Variants in IFFO1 observed in about 807,000 individuals in gnomAD.
The protein encoded by IFFO1 is non-homologous end joining factor IFFO1.
A neutral mutation model predicts 59.6 loss-of-function variants in IFFO1; 42 were observed. The observed-to-expected ratio is 0.70, with a 90% CI of 0.55 to 0.91. The LOEUF (loss-of-function observed/expected upper bound fraction) is 0.91. IFFO1 is among the 40% of genes least tolerant of loss of function. IFFO1 has a pLI of 0.00. For synonymous variants in IFFO1, 336 were observed against 342.8 expected, an observed-to-expected ratio of 0.98 and a Z score of 0.22; for missense variants, 711 against 793.2, an observed-to-expected ratio of 0.90 and a Z score of 1.24.
chr12:6,547,371 A>G (rs1187941141), intron 8 of IFFO1, among the ~76,000 whole-genome samples: 1 of 151,560 alleles, frequency 6.6e-6, no homozygotes, highest in Non-Finnish European at 1.5e-5. Flanking sequence ...CTGGAGTGAC[A>G]GAGCAAGACC....
chr12:6,555,943 G>C lies in IFFO1; in HGVS notation c.87C>G (p.Gly29=), dbSNP rs765525423. Reference sequence around the variant, plus strand: ...AGTCTCCTCCCCCGGCGAAGTGGTCGCCTCCCAGTGAGTCCCCCAGTGGCC... The same window carrying C: ...AGTCTCCTCCCCCGGCGAAGTGGTCCCCTCCCAGTGAGTCCCCCAGTGGCC... ...LAGPLGDSLG[G]DHFAGGGDLP... The change falls in exon 1 of 10, where the codon GGC becomes GGG. Residue 29 remains glycine (G), a synonymous_variant. Coordinates refer to ENST00000619571, the MANE Select transcript of IFFO1 (RefSeq NM_001193457.2). This position sits in a 1 kb window ranked among gnomAD's most constrained non-coding sequence, Gnocchi z 8.6. 6.4e-7 allele frequency: 1 copy of C among 1,553,174 alleles called. No homozygotes were observed. Among genetic ancestry groups the C allele is most frequent in the Non-Finnish European group, 8.7e-7 (1 of 1,155,584 alleles).
intron 3 of IFFO1, chr12:6,550,153 G>A (rs748781978): frequency 7.6e-5 from 34 of 445,370 alleles, no homozygotes; most frequent in Non-Finnish European, 1.2e-4. Context: ...GCCAGTGCCT[G>A]GGACATGCAG....
In IFFO1 at chr12:6,550,065, C is replaced by T. The variant is rs1592218382; in HGVS notation, c.931-169G>A. 5 of 685,238 alleles carry T rather than the reference C, an allele frequency of 7.3e-6. No homozygotes were observed. In the East Asian group the frequency reaches 1.1e-4, roughly 15 times the overall value. 42.4% of individuals were successfully genotyped at this position (685,238 alleles called of 1,614,324 possible). ...TTCCTGGGTAGCGGTGGCCTCCCCA[C>T]AGCACTGTGTGAATATGCTGGGCAT... is the stretch of plus-strand genomic sequence containing the variant. On this transcript the variant is annotated intron_variant, in intron 3 of 9. Transcript: ENST00000619571.
chr12:6,540,613 C>T (rs762167238), intron 9 of IFFO1, 25 bp from the exon 10 acceptor site: 36 of 1,592,444 alleles, frequency 2.3e-5, no homozygotes, highest in Middle Eastern at 1.7e-4. Context: ...CAGTTGTCAA[C>T]CTTGGGGCAG....
In IFFO1 at chr12:6,540,567, C is replaced by G. The variant is rs543186819; in HGVS notation, c.1632G>C (p.Ala544=). The G allele has an allele frequency of 2.5e-6, 4 of 1,613,786 alleles. No individual in the cohort carries two copies. Among genetic ancestry groups the G allele is most frequent in the South Asian group, 1.1e-5 (1 of 91,088 alleles). ...GCGGCGGCGGGTCGCTAAGCGGGAC[C>G]GCAGTGAAAGCAGGAGACTTTCTAG... The part of the protein sequence containing the change: ...SGDRKSPAFT[A]VPLSDPPPPP... Residue 544 remains alanine, a synonymous_variant, in exon 10 of 10, where the codon GCG becomes GCC. Transcript: ENST00000619571.
intron 1 of IFFO1, chr12:6,551,814 T>G: frequency 3.4e-6 from 1 of 298,338 alleles, no homozygotes; most frequent in South Asian, 3.0e-5. Flanking sequence ...AGATTAAGAC[T>G]GCAAGTGGGC....
At chr12:6,551,039 A>G in intron 1 of IFFO1, 38 bp from the exon 2 acceptor site, 1 of 1,606,804 alleles carries the variant, frequency 6.2e-7, no homozygotes, top group Non-Finnish European at 8.5e-7. Context: ...GCTTAGGTAC[A>G]GAGTCCTTCC....
Position 6,541,989 on chromosome 12 carries a change from C to T in IFFO1, c.1480-347G>A, listed in dbSNP as rs745980931. 2.6e-5 allele frequency among the ~76,000 whole-genome samples: 4 copies of T among 152,168 alleles called. No homozygotes were observed. The highest frequency in any genetic ancestry group is 5.9e-5 in the Non-Finnish European group (4 of 68,018). On this transcript the variant is annotated intron_variant, in intron 8 of 9. Transcript: ENST00000619571. This position sits in a 1 kb window ranked among gnomAD's most constrained non-coding sequence, Gnocchi z 4.8. ...CCACACAGGTTCCTATGGGGCCCGG[C>T]TCACCCCTCATCCCCTGTACTGCGC...
At position 6,540,316 on chromosome 12, in the gene IFFO1, C is replaced by G; in HGVS notation, c.*167G>C. 1.5e-6 allele frequency: 1 copy of G among 648,476 alleles called. No individual in the cohort carries two copies. Among genetic ancestry groups the G allele is most frequent in the East Asian group, 2.7e-5 (1 of 36,686 alleles). The allele number at this position is 648,476 out of a possible 1,614,324, so 40.2% of individuals were successfully genotyped here. ...GCCTAGCTCCAGACACCCCAGAGCC[C>G]TGGAGAAGCCAAGACTGAGGGAGAA... On this transcript the variant is annotated 3_prime_UTR_variant, in exon 10 of 10. Coordinates refer to ENST00000619571, the MANE Select transcript of IFFO1 (RefSeq NM_001193457.2).
chr12:6,550,950 C>G lies in IFFO1; in HGVS notation c.825G>C (p.Glu275Asp). ...VRIQLQDRVNELQEEAQEADA... is the reference protein window; with the variant it reads ...VRIQLQDRVNDLQEEAQEADA... Reference sequence around the variant, plus strand: ...GGGGCGCCACCCTCACCTCCTGGAGCTCATTTACACGGTCTTGCAGCTGGA... The same window carrying G: ...GGGGCGCCACCCTCACCTCCTGGAGGTCATTTACACGGTCTTGCAGCTGGA... The change falls in exon 2 of 10, where the codon GAG (glutamate) becomes GAC (aspartate). Residue 275 changes from glutamate to aspartate, a missense_variant. Around this residue, in one of 3 missense-constraint regions of IFFO1, gnomAD observed 579 missense variants for 650.3 expected, o/e 0.89. Transcript: ENST00000619571. 2 of 1,614,192 alleles carry G rather than the reference C, an allele frequency of 1.2e-6. No individual in the cohort carries two copies. The highest frequency in any genetic ancestry group is 1.7e-6 in the Non-Finnish European group (2 of 1,180,014).
rs746256367 is a variant in IFFO1, at chr12:6,540,537, T to TGGC, written c.1659_1661dup (p.Pro554dup). On this transcript the variant is annotated inframe_insertion, in exon 10 of 10. Transcript: ENST00000619571. ...CGCGATCGGAGTCCTCAGCCTCGCT[T>TGGC]GGCGGCGGCGGCGGGTCGCTAAGCG... The TGGC allele has an allele frequency of 5.7e-5, 92 of 1,613,472 alleles. No homozygotes were observed. The highest frequency in any genetic ancestry group is 3.0e-4 in the Admixed American group (18 of 60,000).
chr12:6,550,784 G>A lies in IFFO1; in HGVS notation c.841C>T (p.Gln281Ter). 1 of 1,614,030 alleles carries A rather than the reference G, an allele frequency of 6.2e-7. No homozygotes were observed. Among genetic ancestry groups the A allele is most frequent in the Non-Finnish European group, 8.5e-7 (1 of 1,179,942 alleles). Residue 281 changes from glutamine to a stop codon, truncating the protein, a stop_gained, in exon 3 of 10, where the codon CAG becomes TAG. Transcript: ENST00000619571. LOFTEE classifies it high-confidence loss of function. Reference protein sequence around the residue: ...DRVNELQEEAQEADACQEELA... With the variant: ...DRVNELQEEA ...TCCTCCTGGCAGGCATCAGCCTCCT[G>A]GGCTTCCTGCAGTTGGGAGAAACCC...
intron 1 of IFFO1, among the ~76,000 whole-genome samples, chr12:6,553,252 G>C (rs1363447002): frequency 6.6e-6 from 1 of 152,206 alleles, no homozygotes; most frequent in Non-Finnish European, 1.5e-5. Flanking sequence ...GTGCTGCAGA[G>C]CGATGAGCTA....
At position 6,548,743 on chromosome 12, in the gene IFFO1, C is replaced by A. The variant is rs144941255; in HGVS notation, c.1187G>T (p.Arg396Leu). The change falls in exon 6 of 10, where the codon CGC becomes CTC. Residue 396 changes from arginine (R) to leucine (L), a missense_variant. By Grantham distance (102) the Arg-to-Leu change is moderately radical. Transcript: ENST00000619571. This position sits in a 1 kb window ranked among gnomAD's most constrained non-coding sequence, Gnocchi z 6.1. ...DTSLSESEGPRQPDGDEEEST... is the reference protein window; with the variant it reads ...DTSLSESEGPLQPDGDEEEST... ...CTCCTCCTCATCCCCATCGGGCTGG[C>A]GGGGCCCCTCACTCTCCGACAGGGA... The A allele has an allele frequency of 1.9e-6, 3 of 1,614,072 alleles. No individual in the cohort carries two copies. The Admixed American group carries it at 5.0e-5, about 27-fold the overall frequency.
At chr12:6,553,649 G>A (rs1947326877) in intron 1 of IFFO1, among the ~76,000 whole-genome samples, 1 of 152,088 alleles carries the variant, frequency 6.6e-6, no homozygotes, top group African/African-American at 2.4e-5. Context: ...GTGCACACCT[G>A]TAGTCCCAGC....
At position 6,540,477 on chromosome 12, in the gene IFFO1, A is replaced by T; in HGVS notation, c.*6T>A. ...AGGGCCTCGGGTGCAAGGGGGAGGC[A>T]GGTCTCTATCTCATGGAGCTGTCAG... On this transcript the variant is annotated 3_prime_UTR_variant, in exon 10 of 10. Coordinates refer to ENST00000619571, the MANE Select transcript of IFFO1 (RefSeq NM_001193457.2). 1.2e-6 allele frequency: 2 copies of T among 1,610,846 alleles called. No homozygotes were observed. Among genetic ancestry groups the T allele is most frequent in the Non-Finnish European group, 1.7e-6 (2 of 1,177,102 alleles).
chr12:6,555,755 T>C lies in IFFO1; in HGVS notation c.275A>G (p.His92Arg). The change falls in exon 1 of 10, where the codon CAT (histidine) becomes CGT (arginine). Residue 92 changes from histidine to arginine, a missense_variant. This residue lies in a region of IFFO1 where 18 missense variants were observed against 40.5 expected (regional missense o/e 0.44). Transcript: ENST00000619571. The surrounding 1 kb of genome is among the most constrained non-coding windows in gnomAD (Gnocchi z 8.6). ...CAGCCGGTTCCGGCGCTCCAGCTCATGCACCTTGGCCAGGAAGCAGCGGAA... is the reference window on the plus strand; with the variant it reads ...CAGCCGGTTCCGGCGCTCCAGCTCACGCACCTTGGCCAGGAAGCAGCGGAA... ...LRFRCFLAKV[H>R]ELERRNRLLE... The C allele has an allele frequency of 1.2e-6, 2 of 1,613,212 alleles. No homozygotes were observed. The highest frequency in any genetic ancestry group is 1.3e-5 in the African/African-American group (1 of 74,948).
chr12:6,548,733 A>G lies in IFFO1; in HGVS notation c.1197T>C (p.Asp399=), dbSNP rs1947087453. Residue 399 remains aspartate (D), a synonymous_variant, in exon 6 of 10, where the codon GAT becomes GAC. Transcript: ENST00000619571. This position sits in a 1 kb window ranked among gnomAD's most constrained non-coding sequence, Gnocchi z 6.1. ...LSESEGPRQP[D]GDEEESTALS... is the part of the protein sequence containing the mutation. Reference sequence around the variant, plus strand: ...GGGCTGTGCTCTCCTCCTCATCCCCATCGGGCTGGCGGGGCCCCTCACTCT... The same window carrying G: ...GGGCTGTGCTCTCCTCCTCATCCCCGTCGGGCTGGCGGGGCCCCTCACTCT... 4 of 1,613,794 alleles carry G rather than the reference A, an allele frequency of 2.5e-6. No homozygotes were observed. Among genetic ancestry groups the G allele is most frequent in the Admixed American group, 3.3e-5 (2 of 59,990 alleles).
At chr12:6,554,187 A>AT (rs1415969025) in intron 1 of IFFO1, among the ~76,000 whole-genome samples, 1 of 151,950 alleles carries the variant, frequency 6.6e-6, no homozygotes, top group Middle Eastern at 3.2e-3. Context: ...TTCCTAGAAC[A>AT]TTCGGCCAAT....
Sources: allele counts gnomAD v4.1 joint callset (sites outside exome capture counted in the v4.1 genomes callset), GRCh38; gene constraint gnomAD v4.1.1; regional missense constraint gnomAD v4.1.1; non-coding constraint Gnocchi (gnomAD v3.1); transcripts MANE v1.5; gene names NCBI Gene and HGNC (gene_info 2026-07-23, HGNC 2026-07-21).